Variants in ZNF740 observed in about 807,000 individuals in gnomAD.
ZNF740 encodes the protein zinc finger protein 740.
Under a neutral mutation model 24.8 loss-of-function variants are expected in ZNF740, and 14 were observed. That is an observed-to-expected ratio of 0.56 (90% confidence interval 0.37 to 0.88). The LOEUF (loss-of-function observed/expected upper bound fraction) is 0.88, where lower values mean the gene tolerates loss of function less well. Ranked by LOEUF, ZNF740 falls within the 40% of genes least tolerant of loss-of-function variation. The pLI is 0.00. For missense variants in ZNF740, 201 were observed against 247.9 expected, an observed-to-expected ratio of 0.81 and a Z score of 1.27; for synonymous variants, 69 against 84.0, an observed-to-expected ratio of 0.82 and a Z score of 0.98.
rs941623645 is a variant in ZNF740, at chr12:53,190,886, A to G, written c.*3296A>G. On this transcript the variant is annotated 3_prime_UTR_variant, in exon 7 of 7. Coordinates refer to ENST00000416904, the MANE Select transcript of ZNF740 (RefSeq NM_001004304.4). ...CTACATACTATCTCCTCTTTGGGGAAGCTTTTTCATACTGGTTTTAGTTGT... is the reference window on the plus strand; with the variant it reads ...CTACATACTATCTCCTCTTTGGGGAGGCTTTTTCATACTGGTTTTAGTTGT... The G allele has an allele frequency of 6.5e-6, 1 of 152,762 alleles. No homozygotes were observed. Among genetic ancestry groups the G allele is most frequent in the East Asian group, 1.9e-4 (1 of 5,184 alleles). The allele number at this position is 152,762 out of a possible 1,614,324, so 9.5% of individuals were successfully genotyped here.
chr12:53,187,461 G>A (rs1315171401), intron 6 of ZNF740, 40 bp from the exon 7 acceptor site: 17 of 1,572,962 alleles, frequency 1.1e-5, no homozygotes, highest in African/African-American at 5.4e-5. Context: ...AGGTAGCTGC[G>A]TTTGTCTGCT....
chr12:53,193,897 G>A lies in ZNF740; in HGVS notation c.*6307G>A. The A allele has an allele frequency of 6.2e-7, 1 of 1,612,230 alleles. No individual in the cohort carries two copies. The highest frequency in any genetic ancestry group is 8.5e-7 in the Non-Finnish European group (1 of 1,179,046). ...GGTGGCTTGGAGAGAAACCCAGAAA[G>A]TCACCTGAGAAGAGGCAGGAATCAG... On this transcript the variant is annotated 3_prime_UTR_variant, in exon 7 of 7. Coordinates refer to ENST00000416904, the MANE Select transcript of ZNF740 (RefSeq NM_001004304.4).
chr12:53,186,689 A>G (rs887602108), intron 6 of ZNF740, 180 bp downstream of exon 6: 6 of 538,128 alleles, frequency 1.1e-5, no homozygotes, highest in Non-Finnish European at 2.0e-5. Flanking sequence ...CAGCAATTAG[A>G]ACATTGTAAT....
intron 4 of ZNF740, 144 bp from the exon 5 acceptor site, chr12:53,185,810 C>A: frequency 8.7e-7 from 1 of 1,151,182 alleles, no homozygotes; most frequent in Non-Finnish European, 1.2e-6. Flanking sequence ...CTCTTACCTC[C>A]ATGGAGTACA....
rs1334912396 is a variant in ZNF740 at position 53,194,300 on chromosome 12, A to G, written c.*6710A>G. On this transcript the variant is annotated 3_prime_UTR_variant, in exon 7 of 7. Coordinates refer to ENST00000416904, the MANE Select transcript of ZNF740 (RefSeq NM_001004304.4). ...GGGATTCGTAAGAAATGTGGACCCC[A>G]GGAGGGAGTGAAGAGTGTTCAAGGG... The G allele has an allele frequency of 3.7e-6, 6 of 1,613,906 alleles. No homozygotes were observed. The East Asian group carries it at 1.1e-4, about 30-fold the overall frequency.
rs374025977 is a variant in ZNF740, at chr12:53,186,404, T to C, written c.387T>C (p.Phe129=). ...HILIHTGEKP[F]ECDICDMRFI... ...CACCTGGGCCAGGTGAGAAGCCATT[T>C]GAATGCGATATATGTGATATGCGTT... The change falls in exon 6 of 7, where the codon TTT becomes TTC. Residue 129 remains phenylalanine, a synonymous_variant. Coordinates refer to ENST00000416904, the MANE Select transcript of ZNF740 (RefSeq NM_001004304.4). The C allele has an allele frequency of 3.2e-6, 5 of 1,579,900 alleles. No homozygotes were observed. In the African/African-American group the frequency reaches 6.7e-5, roughly 21 times the overall value.
intron 2 of ZNF740, among the ~76,000 whole-genome samples, chr12:53,184,330 A>G (rs11170463): frequency 4.6e-5 from 7 of 151,860 alleles, no homozygotes; most frequent in African/African-American, 1.7e-4. Context: ...CTGGGACCGC[A>G]GGTGTGTGCC....
chr12:53,180,755 C>T lies in ZNF740; in HGVS notation c.-390C>T. On this transcript the variant is annotated 5_prime_UTR_variant, in exon 1 of 7. Transcript: ENST00000416904. Reference sequence around the variant, plus strand: ...GCCTCGGTCCCGGTGGGGGCAGCCGCGGCGGTGGGGTTGGCAGGGTGTGCT... The same window carrying T: ...GCCTCGGTCCCGGTGGGGGCAGCCGTGGCGGTGGGGTTGGCAGGGTGTGCT... 7.9e-7 allele frequency: 1 copy of T among 1,266,124 alleles called. No homozygotes were observed. The highest frequency in any genetic ancestry group is 1.0e-6 in the Non-Finnish European group (1 of 978,190). The allele number at this position is 1,266,124 out of a possible 1,614,324, so 78.4% of individuals were successfully genotyped here.
rs59250662 is a variant in ZNF740 at position 53,184,150 on chromosome 12, T to TGTGCGC, written c.10-740_10-739insTGCGCG. On this transcript the variant is annotated intron_variant, in intron 2 of 6. Transcript: ENST00000416904. ...GTGTGTGTGTGTGTGTGTGTGTGTG[T>TGTGCGC]GCGCGCGCGCGCTCTGAAGCTAAGG... 3.6e-3 allele frequency among the ~76,000 whole-genome samples: 378 copies of TGTGCGC among 104,412 alleles called. 1 individual carries two copies. The highest frequency in any genetic ancestry group is 0.015 in the South Asian group (50 of 3,328). The allele number at this position is 104,412 out of a possible 152,430, so 68.5% of individuals were successfully genotyped here.
Position 53,191,469 on chromosome 12 carries a change from A to G in ZNF740, c.*3879A>G, listed in dbSNP as rs1941939474. On this transcript the variant is annotated 3_prime_UTR_variant, in exon 7 of 7. Transcript: ENST00000416904. Reference sequence around the variant, plus strand: ...TCGCCAGTGAATTAGTCCCCTACCAAGGTCTTACAGACCCACCCTTCCTCT... The same window carrying G: ...TCGCCAGTGAATTAGTCCCCTACCAGGGTCTTACAGACCCACCCTTCCTCT... 2 of 1,038,876 alleles carry G rather than the reference A, an allele frequency of 1.9e-6. No individual in the cohort carries two copies. Among genetic ancestry groups the G allele is most frequent in the East Asian group, 2.4e-5 (1 of 42,234 alleles). 64.4% of individuals were successfully genotyped at this position (1,038,876 alleles called of 1,614,324 possible). A position where few individuals can be genotyped will look rare whatever the true frequency, so the allele number is the denominator to read the frequency against.
At chr12:53,181,083 A>ACC (rs1941597322) in intron 1 of ZNF740, 2 of 865,560 alleles carry the variant, frequency 2.3e-6, no homozygotes, top group African/African-American at 3.6e-5. Context: ...GCGAGCACGC[A>ACC]TCTCGCGCGC....
At chr12:53,182,054 GA>G (rs1269005106) in intron 2 of ZNF740, 62 bp downstream of exon 2, 22 of 1,582,074 alleles carry the variant, frequency 1.4e-5, no homozygotes, top group Non-Finnish European at 1.7e-5. Flanking sequence ...TTTCACTCTT[GA>G]ATGCTGCCTT....
Position 53,194,149 on chromosome 12 carries a change from A to G in ZNF740, c.*6559A>G. On this transcript the variant is annotated 3_prime_UTR_variant, in exon 7 of 7. Coordinates refer to ENST00000416904, the MANE Select transcript of ZNF740 (RefSeq NM_001004304.4). ...TCTTTTCCTGCCTGCTTAATTTCCC[A>G]CTCCCACCTCCCCCTGCCCGCCTTC... 6.2e-7 allele frequency: 1 copy of G among 1,605,638 alleles called. No individual in the cohort carries two copies. Among genetic ancestry groups the G allele is most frequent in the Non-Finnish European group, 8.5e-7 (1 of 1,175,946 alleles).
In ZNF740 at chr12:53,187,562, A is replaced by G. The variant is rs532281582; in HGVS notation, c.554A>G (p.Lys185Arg). The G allele has an allele frequency of 6.2e-6, 10 of 1,614,008 alleles. No individual in the cohort carries two copies. In the African/African-American group the frequency reaches 8.0e-5, roughly 13 times the overall value. ...HKRMCQGCQS[K>R]TSDGQFSL Reference sequence around the variant, plus strand: ...CGGATGTGCCAAGGGTGCCAGTCCAAGACTTCCGACGGGCAGTTTTCTCTA... The same window carrying G: ...CGGATGTGCCAAGGGTGCCAGTCCAGGACTTCCGACGGGCAGTTTTCTCTA... The change falls in exon 7 of 7, where the codon AAG becomes AGG. Residue 185 changes from lysine (K) to arginine (R), a missense_variant. Physicochemically the swap from Lys to Arg is conservative, Grantham distance 26 (BLOSUM62 2). Transcript: ENST00000416904.
In ZNF740 at chr12:53,186,051, T is replaced by C; in HGVS notation, c.347T>C (p.Leu116Pro). 6.2e-7 allele frequency: 1 copy of C among 1,613,942 alleles called. No homozygotes were observed. The highest frequency in any genetic ancestry group is 8.5e-7 in the Non-Finnish European group (1 of 1,179,824). ...CFGAFRSSYH[L>P]KRHILIHTGE... is the part of the protein sequence containing the mutation. ...GGAGCCTTTCGGAGCAGTTACCACC[T>C]AAAGAGGCACATCCTTATTCACACT... The change falls in exon 5 of 7, where the codon CTA (leucine) becomes CCA (proline). Residue 116 changes from leucine (L) to proline (P), a missense_variant. Leu to Pro is a moderately conservative substitution (Grantham distance 98). Coordinates refer to ENST00000416904, the MANE Select transcript of ZNF740 (RefSeq NM_001004304.4).
Position 53,192,809 on chromosome 12 carries a change from C to T in ZNF740, c.*5219C>T. On this transcript the variant is annotated 3_prime_UTR_variant, in exon 7 of 7. Transcript: ENST00000416904. ...CGTCCATGCCCACTGCAGAGCCCTC[C>T]CTCGGGACTGATGCAACTGTCCATG... 4 of 1,614,240 alleles carry T rather than the reference C, an allele frequency of 2.5e-6. No individual in the cohort carries two copies. The highest frequency in any genetic ancestry group is 3.4e-6 in the Non-Finnish European group (4 of 1,180,038).
Position 53,193,684 on chromosome 12 carries a change from TTGAAGGGAAGAGGAGG to T in ZNF740, c.*6095_*6110del. ...TGGTTGGTTGTTGGGAGCCAGGTGG[TTGAAGGGAAGAGGAGG>T]CCCTCACCTGCATACACCACATTGT... On this transcript the variant is annotated 3_prime_UTR_variant, in exon 7 of 7. Transcript: ENST00000416904. 2 of 1,580,486 alleles carry T rather than the reference TTGAAGGGAAGAGGAGG, an allele frequency of 1.3e-6. No individual in the cohort carries two copies. The highest frequency in any genetic ancestry group is 1.7e-6 in the Non-Finnish European group (2 of 1,160,888).
intron 6 of ZNF740, chr12:53,186,815 C>T: frequency 4.5e-6 from 1 of 222,646 alleles, no homozygotes; most frequent in South Asian, 9.5e-5. Context: ...GCTGTATTGT[C>T]CTTATTTCAC....
rs763077498 is a variant in ZNF740, at chr12:53,193,598, G to A, written c.*6008G>A. ...AAGGGATGAAACTGAGTGGGGAGTC[G>A]GGATGTCGAGGAGACTCCTGTGGGG... On this transcript the variant is annotated 3_prime_UTR_variant, in exon 7 of 7. Transcript: ENST00000416904. 8.0e-5 allele frequency: 78 copies of A among 977,002 alleles called. No homozygotes were observed. Among genetic ancestry groups the A allele is most frequent in the Middle Eastern group, 3.3e-4 (1 of 3,076 alleles). 60.5% of individuals were successfully genotyped at this position (977,002 alleles called of 1,614,324 possible).
Sources: gnomAD v4.1 joint callset for allele counts (sites outside exome capture counted in the v4.1 genomes callset) on GRCh38, gnomAD v4.1.1 for gene constraint, MANE v1.5 for transcripts, NCBI Gene and HGNC (gene_info 2026-07-23, HGNC 2026-07-21) for gene names.